The following KIAA1217 variants were observed in gnomAD, a reference collection of about 807,000 sequenced individuals.
The protein encoded by KIAA1217 is sickle tail protein homolog.
KIAA1217 carries 88 observed loss-of-function variants against 163.9 expected under a neutral mutation model. That is an observed-to-expected ratio of 0.54 (90% confidence interval 0.45 to 0.64). The LOEUF is 0.64. Ranked by LOEUF, KIAA1217 falls within the 30% of genes least tolerant of loss-of-function variation. KIAA1217 has a pLI of 0.00. For missense variants in KIAA1217, 2,372 were observed against 2,475.0 expected (o/e 0.96, Z 0.88); for synonymous variants, 903 against 923.1 (o/e 0.98, Z 0.39).
At chr10:23,738,527 A>G (rs1476036005) in intron 1 of KIAA1217, among the ~76,000 whole-genome samples, 2 of 152,042 alleles carry the variant, frequency 1.3e-5, no homozygotes, top group Admixed American at 6.6e-5. Context: ...GTTGTTACAT[A>G]TTTCATTTTC....
chr10:24,049,764 A>G (rs1179559054), intron 2 of KIAA1217, among the ~76,000 whole-genome samples: 2 of 152,160 alleles, frequency 1.3e-5, no homozygotes, highest in Admixed American at 1.3e-4. Context: ...GCTGCAGTAA[A>G]CATACGTGTG....
At chr10:24,342,652 A>AT (rs11299912) in intron 2 of KIAA1217, among the ~76,000 whole-genome samples, 2,405 of 93,454 alleles carry the variant, frequency 0.026, 57 homozygotes, top group Non-Finnish European at 0.036. Flanking sequence ...ATACAACTCA[A>AT]TTTTTTTTTT....
At chr10:23,849,980 T>G (rs1397897373) in intron 1 of KIAA1217, among the ~76,000 whole-genome samples, 4 of 152,118 alleles carry the variant, frequency 2.6e-5, no homozygotes, top group Non-Finnish European at 5.9e-5. Flanking sequence ...AATCCATCCT[T>G]CAGAGACTGC....
chr10:24,018,363 T>G (rs921993550), intron 2 of KIAA1217, among the ~76,000 whole-genome samples: 64 of 151,952 alleles, frequency 4.2e-4, no homozygotes, highest in African/African-American at 1.3e-3. Flanking sequence ...AAATAATAAC[T>G]GAAAGTAGGA....
At chr10:23,884,720 A>T (rs915662059) in intron 1 of KIAA1217, among the ~76,000 whole-genome samples, 3 of 151,946 alleles carry the variant, frequency 2.0e-5, no homozygotes, top group Non-Finnish European at 4.4e-5. Flanking sequence ...CTCTCTAATT[A>T]TCCTACCATG....
chr10:24,199,846 T>A (rs943322521), intron 2 of KIAA1217, among the ~76,000 whole-genome samples: 3 of 151,846 alleles, frequency 2.0e-5, no homozygotes, highest in Non-Finnish European at 4.4e-5. Flanking sequence ...CCTAAGAACC[T>A]TGGGTTATTA....
At chr10:24,158,086 T>A in intron 2 of KIAA1217, 2 of 755,616 alleles carry the variant, frequency 2.6e-6, no homozygotes, top group South Asian at 1.3e-5. Context: ...AAGATAAAAG[T>A]GGCGCTCCAC....
At chr10:24,455,737 G>T (rs1383247785) in intron 5 of KIAA1217, among the ~76,000 whole-genome samples, 1 of 152,168 alleles carries the variant, frequency 6.6e-6, no homozygotes, top group African/African-American at 2.4e-5. Flanking sequence ...GCCAAGATGT[G>T]GGTAATCACC....
chr10:24,172,454 C>G (rs545726523), intron 2 of KIAA1217, among the ~76,000 whole-genome samples: 3 of 152,310 alleles, frequency 2.0e-5, no homozygotes, highest in Admixed American at 6.5e-5. Context: ...GCCAAATTCT[C>G]TGGGTTCGGG....
intron 1 of KIAA1217, among the ~76,000 whole-genome samples, chr10:23,979,991 GT>G (rs1452387008): frequency 3.3e-5 from 5 of 151,920 alleles, no homozygotes; most frequent in African/African-American, 1.2e-4. Context: ...ATCACTGATT[GT>G]TTTTCTTTTA....
chr10:23,812,892 T>C lies in KIAA1217; in HGVS notation c.-321+117658T>C, dbSNP rs185929460. Among the ~76,000 whole-genome samples the C allele has an allele frequency of 7.7e-4, 117 of 152,312 alleles. 2 individuals are homozygous for C. The highest frequency in any genetic ancestry group is 3.5e-3 in the Admixed American group (53 of 15,302). Reference sequence around the variant, plus strand: ...TCCATTTCTTGGCTATTATGAGTAATGCTGTTATGAACATTCATGTGCAAC... The same window carrying C: ...TCCATTTCTTGGCTATTATGAGTAACGCTGTTATGAACATTCATGTGCAAC... On this transcript the variant is annotated intron_variant, in intron 1 of 18. Coordinates refer to the KIAA1217 transcript ENST00000376462.
chr10:23,876,476 T>A (rs74886576), intron 1 of KIAA1217, among the ~76,000 whole-genome samples: 1,990 of 151,354 alleles, frequency 0.013, 61 homozygotes, highest in African/African-American at 0.046. Context: ...ACCCACTGAA[T>A]TGAAAATAAA....
chr10:24,289,521 TGGAGGAGGA>T (rs145225149), intron 2 of KIAA1217, among the ~76,000 whole-genome samples: 4 of 151,768 alleles, frequency 2.6e-5, no homozygotes, highest in African/African-American at 7.3e-5. Flanking sequence ...ATTGTCCTCA[TGGAGGAGGA>T]GGAGGAGGAG....
intron 1 of KIAA1217, among the ~76,000 whole-genome samples, chr10:23,815,357 A>T (rs1837264979): frequency 1.3e-5 from 2 of 152,168 alleles, no homozygotes; most frequent in South Asian, 4.1e-4. Context: ...AAAATTTAAT[A>T]ATTTAGGCTG....
intron 2 of KIAA1217, among the ~76,000 whole-genome samples, chr10:24,198,183 A>T (rs1348032095): frequency 6.6e-6 from 1 of 152,240 alleles, no homozygotes; most frequent in Non-Finnish European, 1.5e-5. Flanking sequence ...AGTGGGTAAT[A>T]TTTCTGTCCG....
chr10:24,230,551 G>A (rs549538824), intron 2 of KIAA1217, among the ~76,000 whole-genome samples: 1 of 133,184 alleles, frequency 7.5e-6, no homozygotes, highest in East Asian at 2.3e-4. Flanking sequence ...TTTCATCCAG[G>A]CTGGAATGCA....
intron 9 of KIAA1217, among the ~76,000 whole-genome samples, chr10:24,507,494 A>G (rs1386819833): frequency 6.6e-6 from 1 of 152,188 alleles, no homozygotes; most frequent in East Asian, 1.9e-4. Flanking sequence ...GGAGCTTTCA[A>G]GAGCTGAAAA....
intron 9 of KIAA1217, among the ~76,000 whole-genome samples, chr10:24,502,758 C>G (rs533751064): frequency 6.6e-6 from 1 of 152,014 alleles, no homozygotes; most frequent in Admixed American, 6.6e-5. Context: ...TTTGGGAGGA[C>G]GAGGCAGGTG....
chr10:24,203,557 C>T (rs1368620844), intron 2 of KIAA1217, among the ~76,000 whole-genome samples: 1 of 151,808 alleles, frequency 6.6e-6, no homozygotes, highest in Non-Finnish European at 1.5e-5. Context: ...TCCCCCTACC[C>T]CCCAACCCCC....
Sources: gnomAD v4.1 joint callset for allele counts (sites outside exome capture counted in the v4.1 genomes callset) on GRCh38, gnomAD v4.1.1 for gene constraint, MANE v1.5 for transcripts, NCBI Gene and HGNC (gene_info 2026-07-23, HGNC 2026-07-21) for gene names.